The following GTF2IRD1 variants were observed in gnomAD, a reference collection of about 807,000 sequenced individuals.
The protein encoded by GTF2IRD1 is general transcription factor II-I repeat domain-containing protein 1.
Under a neutral mutation model 113.2 loss-of-function variants are expected in GTF2IRD1, and 26 were observed. That is an observed-to-expected ratio of 0.23 (90% confidence interval 0.17 to 0.32). The LOEUF is 0.32. GTF2IRD1 is among the 10% of genes least tolerant of loss of function. GTF2IRD1 has a pLI of 1.00. For synonymous variants in GTF2IRD1, 484 were observed against 529.1 expected (o/e 0.91, Z 1.17); for missense variants, 864 against 1,280.8 (o/e 0.67, Z 4.97).
At chr7:74,483,664 C>G (rs1794864674) in intron 1 of GTF2IRD1, among the ~76,000 whole-genome samples, 1 of 152,066 alleles carries the variant, frequency 6.6e-6, no homozygotes, top group Admixed American at 6.6e-5. Context: ...GAGCCATGAT[C>G]GTGCCACTGC....
In GTF2IRD1 at chr7:74,506,992, A is replaced by G. The variant is rs1488383315; in HGVS notation, c.-6-1083A>G. ...ACCCCTGATGCCAAGTCTCCTGGCT[A>G]GGAGGGAAACTGAGGCTGGAAGGCC... On this transcript the variant is annotated intron_variant, in intron 1 of 26. Coordinates refer to ENST00000424337, the MANE Select transcript of GTF2IRD1 (RefSeq NM_005685.4). 7 of 152,262 alleles carry G rather than the reference A, an allele frequency of 4.6e-5. 1 individual carries two copies. The highest frequency in any genetic ancestry group is 1.7e-4 in the African/African-American group (7 of 41,514). 9.4% of individuals were successfully genotyped at this position (152,262 alleles called of 1,614,324 possible).
At chr7:74,504,681 C>G (rs1430593372) in intron 1 of GTF2IRD1, among the ~76,000 whole-genome samples, 4 of 150,464 alleles carry the variant, frequency 2.7e-5, no homozygotes, top group African/African-American at 9.8e-5. Flanking sequence ...CTCATGCGGG[C>G]CAATGCTGCC....
chr7:74,527,072 G>A (rs1057010886), intron 8 of GTF2IRD1, among the ~76,000 whole-genome samples: 1 of 152,160 alleles, frequency 6.6e-6, no homozygotes, highest in Non-Finnish European at 1.5e-5. Context: ...GGAGGGGCCT[G>A]AGGAACAGCC....
intron 22 of GTF2IRD1, among the ~76,000 whole-genome samples, chr7:74,589,389 C>A (rs1337725863): frequency 6.6e-6 from 1 of 151,436 alleles, no homozygotes; most frequent in African/African-American, 2.4e-5. Context: ...AGGGACAGAC[C>A]AATAACTGAT....
At chr7:74,530,289 TG>T (rs1344453127) in intron 9 of GTF2IRD1, among the ~76,000 whole-genome samples, 2 of 151,858 alleles carry the variant, frequency 1.3e-5, no homozygotes, top group Non-Finnish European at 2.9e-5. Context: ...TTGGGGCATG[TG>T]GGCTAAGCAG....
chr7:74,455,970 C>T (rs1266577325), intron 1 of GTF2IRD1, among the ~76,000 whole-genome samples: 2 of 152,180 alleles, frequency 1.3e-5, no homozygotes, highest in Non-Finnish European at 2.9e-5. Context: ...TTGTAGGGGG[C>T]ACGCTAAACC....
chr7:74,583,932 G>A (rs1211076483), intron 22 of GTF2IRD1, among the ~76,000 whole-genome samples: 5 of 152,258 alleles, frequency 3.3e-5, no homozygotes, highest in East Asian at 1.9e-4. Flanking sequence ...TTTGGGCCCC[G>A]TGTGGTGGTC....
chr7:74,521,384 G>A (rs1293685049), intron 7 of GTF2IRD1, 87 bp downstream of exon 7: 2 of 821,404 alleles, frequency 2.4e-6, no homozygotes, highest in Non-Finnish European at 4.2e-6. Context: ...GTATCTCCTG[G>A]GTCTTTGTGA....
At chr7:74,586,580 G>A (rs1391879933) in intron 22 of GTF2IRD1, among the ~76,000 whole-genome samples, 1 of 152,182 alleles carries the variant, frequency 6.6e-6, no homozygotes, top group Non-Finnish European at 1.5e-5. Flanking sequence ...GACCTGCAGG[G>A]TTTGGGAGGA....
chr7:74,583,371 C>CTTTTTTTTTTTTT (rs1168890388), intron 22 of GTF2IRD1, among the ~76,000 whole-genome samples: 7 of 122,302 alleles, frequency 5.7e-5, no homozygotes, highest in Non-Finnish European at 1.0e-4. Context: ...CTTTTTTTTT[C>CTTTTTTTTTTTTT]TTTTTTTTTT....
At chr7:74,514,690 G>T (rs1043946330) in intron 3 of GTF2IRD1, among the ~76,000 whole-genome samples, 3 of 151,914 alleles carry the variant, frequency 2.0e-5, no homozygotes, top group South Asian at 4.2e-4. Context: ...GGGGTTGGGG[G>T]GTGCCTCCCA....
intron 1 of GTF2IRD1, among the ~76,000 whole-genome samples, chr7:74,504,174 G>A (rs1234040387): frequency 2.6e-5 from 4 of 152,172 alleles, no homozygotes; most frequent in African/African-American, 7.2e-5. Context: ...GGACACATGG[G>A]TTGATTCCAT....
intron 1 of GTF2IRD1, among the ~76,000 whole-genome samples, chr7:74,477,099 C>G (rs1370164415): frequency 1.3e-5 from 2 of 151,958 alleles, no homozygotes; most frequent in Admixed American, 1.3e-4. Flanking sequence ...CGTGGTGGAT[C>G]GCGCCTGTAA....
At chr7:74,480,489 C>G (rs1318538454) in intron 1 of GTF2IRD1, among the ~76,000 whole-genome samples, 1 of 152,226 alleles carries the variant, frequency 6.6e-6, no homozygotes, top group Non-Finnish European at 1.5e-5. Flanking sequence ...GAGTCCCCGC[C>G]GGCTGACAGC....
Position 74,512,336 on chromosome 7 carries a change from AGT to A in GTF2IRD1, c.124-492_124-491del, listed in dbSNP as rs1475230619. On this transcript the variant is annotated intron_variant, in intron 2 of 26. Coordinates refer to ENST00000424337, the MANE Select transcript of GTF2IRD1 (RefSeq NM_005685.4). This position sits in a 1 kb window ranked among gnomAD's most constrained non-coding sequence, Gnocchi z 4.4. ...CACTGCACTCCAGCCTGGGCGACAG[AGT>A]GAGACTGTGTCTCAAAAAACAAAAC... Among the ~76,000 whole-genome samples the A allele has an allele frequency of 3.9e-5, 6 of 152,298 alleles. No homozygotes were observed. In the East Asian group the frequency reaches 9.6e-4, roughly 24 times the overall value.
chr7:74,589,422 G>C (rs1410573606), intron 22 of GTF2IRD1, among the ~76,000 whole-genome samples: 2 of 152,050 alleles, frequency 1.3e-5, no homozygotes, highest in Non-Finnish European at 2.9e-5. Flanking sequence ...CTGCAGCCAG[G>C]CACAGTGGCT....
At chr7:74,601,508 C>T in intron 26 of GTF2IRD1, 1 of 1,426,746 alleles carries the variant, frequency 7.0e-7, no homozygotes, top group Non-Finnish European at 9.1e-7. Flanking sequence ...TGCAGTGGCT[C>T]ACGCCTGTAA....
Position 74,538,680 on chromosome 7 carries a change from G to T in GTF2IRD1, c.1448G>T (p.Gly483Val). The T allele has an allele frequency of 6.3e-7, 1 of 1,578,358 alleles. No individual in the cohort carries two copies. The highest frequency in any genetic ancestry group is 8.7e-7 in the Non-Finnish European group (1 of 1,147,514). ...AGGATTCTTCCTTTCCTCCTTGCAGGAACCTCCGGGGAGCTGGGCGGGCTG... is the reference window on the plus strand; with the variant it reads ...AGGATTCTTCCTTTCCTCCTTGCAGTAACCTCCGGGGAGCTGGGCGGGCTG... Reference protein sequence around the residue: ...KGSMSEDCGPGTSGELGGLRP... With the variant: ...KGSMSEDCGPVTSGELGGLRP... The change falls in exon 13 of 27, where the codon GGA becomes GTA. Residue 483 changes from glycine to valine, a missense_variant and splice_region_variant. Physicochemically the swap from Gly to Val is moderately radical, Grantham distance 109. Transcript: ENST00000424337.
At chr7:74,583,103 G>A (rs1230817418) in intron 22 of GTF2IRD1, among the ~76,000 whole-genome samples, 1 of 152,198 alleles carries the variant, frequency 6.6e-6, no homozygotes, top group East Asian at 1.9e-4. Flanking sequence ...GACTGAGCTA[G>A]AGAATCCCAC....
Sources: allele counts gnomAD v4.1 joint callset (sites outside exome capture counted in the v4.1 genomes callset), GRCh38; gene constraint gnomAD v4.1.1; non-coding constraint Gnocchi (gnomAD v3.1); transcripts MANE v1.5; gene names NCBI Gene and HGNC (gene_info 2026-07-23, HGNC 2026-07-21).